RAB3IP: variants seen among roughly 807,000 people sequenced by gnomAD.
The protein encoded by RAB3IP is RAB3A interacting protein, also known as rab-3A-interacting protein.
Under a neutral mutation model 59.1 loss-of-function variants are expected in RAB3IP, and 36 were observed. That is an observed-to-expected ratio of 0.61 (90% CI 0.47 to 0.80). RAB3IP has a LOEUF of 0.80. Ranked by LOEUF, RAB3IP falls within the 30% of genes least tolerant of loss-of-function variation. The pLI, the probability that RAB3IP is intolerant of heterozygous loss-of-function variation, is 0.00. For missense variants in RAB3IP, 511 were observed against 536.0 expected (o/e 0.95, Z 0.46); for synonymous variants, 207 against 191.2 (o/e 1.08, Z -0.68).
intron 1 of RAB3IP, among the ~76,000 whole-genome samples, chr12:69,752,939 G>GA (rs990719530): frequency 6.6e-6 from 1 of 152,108 alleles, no homozygotes. Flanking sequence ...TCTTTTGGGT[G>GA]AAAAAATAAT....
In RAB3IP at chr12:69,755,446, AC is replaced by A. The variant is rs1224223128; in HGVS notation, c.40del (p.Ala15LeufsTer44). 6 of 1,613,596 alleles carry A rather than the reference AC, an allele frequency of 3.7e-6. No individual in the cohort carries two copies. The highest frequency in any genetic ancestry group is 5.1e-6 in the Non-Finnish European group (6 of 1,179,712). The part of the protein sequence containing the change: ...NDPLEGFHEV[N>X]LASPTSPDLL... ...CCCTTGGAAGGCTTCCATGAAGTAA[AC>A]CTTGCTTCACCTACTTCTCCGGACC... On this transcript the variant is annotated frameshift_variant, in exon 2 of 11. Transcript: ENST00000247833. LOFTEE classifies it high-confidence loss of function.
At position 69,802,430 on chromosome 12, in the gene RAB3IP, G is replaced by A. The variant is rs114121051; in HGVS notation, c.1130+709G>A. Among the ~76,000 whole-genome samples, 640 of 152,224 alleles carry A rather than the reference G, an allele frequency of 4.2e-3. 8 individuals carry two copies. The highest frequency in any genetic ancestry group is 0.015 in the African/African-American group (617 of 41,520). On this transcript the variant is annotated intron_variant, in intron 8 of 10. Coordinates refer to ENST00000247833, the MANE Select transcript of RAB3IP (RefSeq NM_022456.5). ...ATAAGACTCCCACATTTCATAGCAGGGCAGACTTGTTTTCCATCCAGTCCT... is the reference window on the plus strand; with the variant it reads ...ATAAGACTCCCACATTTCATAGCAGAGCAGACTTGTTTTCCATCCAGTCCT...
chr12:69,756,785 C>G, intron 3 of RAB3IP, 122 bp downstream of exon 3: 3 of 793,356 alleles, frequency 3.8e-6, no homozygotes, highest in Non-Finnish European at 5.9e-6. Context: ...CACATATGCC[C>G]AGCCTCAGCT....
rs1881601667 is a variant in RAB3IP at position 69,820,562 on chromosome 12, A to G, written c.*5116A>G. The G allele has an allele frequency of 6.6e-6, 1 of 151,814 alleles. No individual in the cohort carries two copies. Among genetic ancestry groups the G allele is most frequent in the Admixed American group, 6.6e-5 (1 of 15,208 alleles). The allele number at this position is 151,814 out of a possible 1,614,324, so 9.4% of individuals were successfully genotyped here. On this transcript the variant is annotated 3_prime_UTR_variant, in exon 11 of 11. Transcript: ENST00000247833. ...CTTCCCATTGCACTTAGAAAAAAAA[A>G]AAAAAAAAAAAACTGGCCAGGTGCG...
intron 8 of RAB3IP, among the ~76,000 whole-genome samples, chr12:69,810,890 G>T (rs1220789065): frequency 6.6e-6 from 1 of 152,198 alleles, no homozygotes; most frequent in Non-Finnish European, 1.5e-5. Context: ...ATTTATTAAT[G>T]TAGTGTAGCA....
intron 1 of RAB3IP, among the ~76,000 whole-genome samples, chr12:69,749,957 T>A (rs1263681181): frequency 2.0e-5 from 3 of 152,210 alleles, no homozygotes; most frequent in Non-Finnish European, 4.4e-5. Flanking sequence ...TGTGTTTATA[T>A]GTGGGAAAAA....
Position 69,761,129 on chromosome 12 carries a change from T to G in RAB3IP, c.510+4466T>G, listed in dbSNP as rs111228946. 4.1e-4 allele frequency among the ~76,000 whole-genome samples: 63 copies of G among 152,332 alleles called. 1 individual carries two copies. The highest frequency in any genetic ancestry group is 1.5e-3 in the African/African-American group (61 of 41,578). ...TCACTGTGTTTCATTGTGGGTAGTTTCTATTGCTATGTCTTCAAAGTCACT... is the reference window on the plus strand; with the variant it reads ...TCACTGTGTTTCATTGTGGGTAGTTGCTATTGCTATGTCTTCAAAGTCACT... On this transcript the variant is annotated intron_variant, in intron 3 of 10. Coordinates refer to ENST00000247833, the MANE Select transcript of RAB3IP (RefSeq NM_022456.5).
rs934189784 is a variant in RAB3IP at position 69,814,874 on chromosome 12, A to G, written c.1301-490A>G. Among the ~76,000 whole-genome samples the G allele has an allele frequency of 1.5e-4, 23 of 152,334 alleles. No homozygotes were observed. The South Asian group carries it at 3.9e-3, about 26-fold the overall frequency. ...TGCATTTTTATTTCTAATTTGAGCC[A>G]TACACAAAACCTTTCTGTTACTTCT... On this transcript the variant is annotated intron_variant, in intron 10 of 10. Coordinates refer to ENST00000247833, the MANE Select transcript of RAB3IP (RefSeq NM_022456.5).
At chr12:69,746,459 C>G (rs941807290) in intron 1 of RAB3IP, among the ~76,000 whole-genome samples, 5 of 152,116 alleles carry the variant, frequency 3.3e-5, no homozygotes, top group Non-Finnish European at 5.9e-5. Context: ...TATTTTACTT[C>G]TCTTTGAGAC....
chr12:69,784,457 T>TTA (rs909021643), intron 3 of RAB3IP, among the ~76,000 whole-genome samples: 1 of 149,766 alleles, frequency 6.7e-6, no homozygotes, highest in Non-Finnish European at 1.5e-5. Context: ...TATATATAGT[T>TTA]TATATATATA....
At chr12:69,746,758 C>G (rs1463090263) in intron 1 of RAB3IP, among the ~76,000 whole-genome samples, 2 of 152,096 alleles carry the variant, frequency 1.3e-5, no homozygotes, top group Non-Finnish European at 2.9e-5. Flanking sequence ...TATAACAGTT[C>G]AATTCATTAT....
At chr12:69,749,628 A>G (rs1000070182) in intron 1 of RAB3IP, among the ~76,000 whole-genome samples, 29 of 152,232 alleles carry the variant, frequency 1.9e-4, no homozygotes, top group African/African-American at 6.0e-4. Flanking sequence ...TTTTGTATAA[A>G]TGCTTTGCTT....
At chr12:69,768,625 G>T (rs1592506544) in intron 3 of RAB3IP, among the ~76,000 whole-genome samples, 1 of 152,306 alleles carries the variant, frequency 6.6e-6, no homozygotes, top group East Asian at 1.9e-4. Context: ...GCACCCAGCA[G>T]TGTCTCACGC....
intron 3 of RAB3IP, among the ~76,000 whole-genome samples, chr12:69,764,242 C>T (rs1470553688): frequency 6.6e-6 from 1 of 151,832 alleles, no homozygotes; most frequent in Non-Finnish European, 1.5e-5. Flanking sequence ...ATGGCTTATT[C>T]CTAGGTTGTT....
chr12:69,747,294 G>A (rs894637274), intron 1 of RAB3IP, among the ~76,000 whole-genome samples: 1 of 48,390 alleles, frequency 2.1e-5, no homozygotes, highest in Non-Finnish European at 3.8e-5. Context: ...TTGCCCTTTC[G>A]TGTGTGTGTG....
chr12:69,798,870 A>AT (rs796124551), intron 6 of RAB3IP, among the ~76,000 whole-genome samples: 18 of 152,322 alleles, frequency 1.2e-4, no homozygotes, highest in African/African-American at 4.3e-4. Flanking sequence ...GAACAAATAC[A>AT]TTTGAGAAGT....
At chr12:69,790,034 A>G (rs974714360) in intron 4 of RAB3IP, among the ~76,000 whole-genome samples, 1 of 152,100 alleles carries the variant, frequency 6.6e-6, no homozygotes, top group Non-Finnish European at 1.5e-5. Context: ...AAGGATGCCC[A>G]CTCTTCACCA....
At chr12:69,740,967 G>A (rs183531404) in intron 1 of RAB3IP, among the ~76,000 whole-genome samples, 58 of 152,306 alleles carry the variant, frequency 3.8e-4, no homozygotes, top group Non-Finnish European at 7.5e-4. Flanking sequence ...CACTTACTGT[G>A]CATAAAACCT....
chr12:69,795,573 A>T, intron 6 of RAB3IP: 1 of 586,804 alleles, frequency 1.7e-6, no homozygotes, highest in South Asian at 2.2e-5. Context: ...TCTTAATCTC[A>T]GTATTTCATT....
Sources: allele counts gnomAD v4.1 joint callset (sites outside exome capture counted in the v4.1 genomes callset), GRCh38; gene constraint gnomAD v4.1.1; transcripts MANE v1.5; gene names NCBI Gene and HGNC (gene_info 2026-07-23, HGNC 2026-07-21).